DCST1: variants seen among roughly 807,000 people sequenced by gnomAD.
The protein encoded by DCST1 is DC-STAMP domain containing 1, also known as E3 ubiquitin-protein ligase DCST1.
A neutral mutation model predicts 89.1 loss-of-function variants in DCST1; 78 were observed. That is an observed-to-expected ratio of 0.88 (90% CI 0.73 to 1.06). The LOEUF is 1.06. DCST1 is among the 50% of genes least tolerant of loss of function. The pLI is 0.00. For missense variants in DCST1, 900 were observed against 928.6 expected, an observed-to-expected ratio of 0.97 and a Z score of 0.40; for synonymous variants, 364 against 371.9, an observed-to-expected ratio of 0.98 and a Z score of 0.24.
chr1:155,043,487 A>G lies in DCST1; in HGVS notation c.1150A>G (p.Thr384Ala). The G allele has an allele frequency of 6.2e-7, 1 of 1,600,656 alleles. No homozygotes were observed. The highest frequency in any genetic ancestry group is 1.1e-5 in the South Asian group (1 of 89,126). Residue 384 changes from threonine (T) to alanine (A), a missense_variant, in exon 10 of 17, where the codon ACT becomes GCT. Physicochemically the swap from Thr to Ala is moderately conservative, Grantham distance 58. Coordinates refer to ENST00000295542, the MANE Select transcript of DCST1 (RefSeq NM_152494.4). ...GCTGCTGCACGTGCTGCTCTCCTGC[A>G]CTTTCCTGCTGGTCCTGCATGCGTG... ...LGLLHVLLSC[T>A]FLLVLHASFS...
chr1:155,046,461 C>T lies in DCST1; in HGVS notation c.1470C>T (p.His490=), dbSNP rs753711358. ...CCATCTTCGACACCATCCGCCACCA[C>T]TCCTTCCTGCAGTACTCCTTCCGCA... ...LYSIFDTIRH[H]SFLQYSFRSS... is the part of the protein sequence containing the mutation. Residue 490 remains histidine, a synonymous_variant, in exon 13 of 17, where the codon CAC becomes CAT. Transcript: ENST00000295542. The T allele has an allele frequency of 3.1e-6, 5 of 1,614,088 alleles. No individual in the cohort carries two copies. In the South Asian group the frequency reaches 3.3e-5, roughly 11 times the overall value.
Position 155,047,992 on chromosome 1 carries a change from G to A in DCST1, c.1755+63G>A, listed in dbSNP as rs973334322. The stretch of plus-strand genomic sequence containing the variant: ...TGCACACACACACACACACCACCCA[G>A]CTCCCTACCAACTCCATATTTGGGG... On this transcript the variant is annotated intron_variant, in intron 15 of 16. Transcript: ENST00000295542. 8 of 1,611,724 alleles carry A rather than the reference G, an allele frequency of 5.0e-6. No homozygotes were observed. In the South Asian group the frequency reaches 8.8e-5, roughly 18 times the overall value.
At chr1:155,042,191 C>T (rs552037431) in intron 8 of DCST1, among the ~76,000 whole-genome samples, 8 of 152,212 alleles carry the variant, frequency 5.3e-5, no homozygotes, top group African/African-American at 1.2e-4. Flanking sequence ...CTCTGCCTCC[C>T]GGGTTCAAGC....
intron 4 of DCST1, among the ~76,000 whole-genome samples, chr1:155,036,932 C>T (rs146378252): frequency 6.6e-6 from 1 of 152,392 alleles, no homozygotes; most frequent in African/African-American, 2.4e-5. Context: ...AGCAGTGCAC[C>T]TTCCTTTTTG....
At chr1:155,043,296 G>C (rs1032911694) in intron 9 of DCST1, 56 bp from the exon 10 acceptor site, 15 of 1,612,094 alleles carry the variant, frequency 9.3e-6, no homozygotes, top group African/African-American at 1.3e-5. Context: ...GAAGAGGTGG[G>C]ACCCAGGTCT....
chr1:155,036,671 A>G (rs372128004), intron 4 of DCST1, among the ~76,000 whole-genome samples: 128 of 152,392 alleles, frequency 8.4e-4, no homozygotes, highest in African/African-American at 2.9e-3. Flanking sequence ...CACTAATGCT[A>G]TTATAATTCC....
chr1:155,045,668 T>C (rs1660594582), intron 10 of DCST1: 3 of 562,476 alleles, frequency 5.3e-6, no homozygotes, highest in Non-Finnish European at 9.6e-6. Flanking sequence ...ACTTCTGCTA[T>C]GTCTCACCCA....
At chr1:155,046,293 A>G in intron 12 of DCST1, 67 bp from the exon 13 acceptor site, 10 of 1,614,018 alleles carry the variant, frequency 6.2e-6, no homozygotes, top group Non-Finnish European at 8.5e-6. Context: ...GGTAAAAGGC[A>G]CCAGAGAGTG....
chr1:155,043,439 G>A lies in DCST1; in HGVS notation c.1102G>A (p.Ala368Thr), dbSNP rs752053079. The A allele has an allele frequency of 6.2e-7, 1 of 1,613,364 alleles. No homozygotes were observed. The highest frequency in any genetic ancestry group is 2.2e-5 in the East Asian group (1 of 44,878). ...EVRDYVYRQE[A>T]RLEWALGLLH... ...GCGGGACTACGTGTACCGCCAGGAG[G>A]CCCGGCTGGAGTGGGCCCTGGGGCT... The change falls in exon 10 of 17, where the codon GCC (alanine) becomes ACC (threonine). Residue 368 changes from alanine to threonine, a missense_variant. Physicochemically the swap from Ala to Thr is moderately conservative, Grantham distance 58. Transcript: ENST00000295542.
At position 155,042,871 on chromosome 1, in the gene DCST1, C is replaced by T. The variant is rs375109150; in HGVS notation, c.1014+15C>T. 3.2e-4 allele frequency: 514 copies of T among 1,611,782 alleles called. No homozygotes were observed. Among genetic ancestry groups the T allele is most frequent in the Non-Finnish European group, 3.0e-4 (359 of 1,179,398 alleles). ...TTGACTTCAAGGTAGAAGGCAAGGG[C>T]GAGGGTTGGTGGGGGGTAGATAGGG... is the stretch of plus-strand genomic sequence containing the variant. On this transcript the variant is annotated intron_variant, in intron 9 of 16. Coordinates refer to ENST00000295542, the MANE Select transcript of DCST1 (RefSeq NM_152494.4).
At position 155,050,655 on chromosome 1, in the gene DCST1, G is replaced by C. The variant is rs990008735; in HGVS notation, c.1908G>C (p.Pro636=). 2 of 1,597,682 alleles carry C rather than the reference G, an allele frequency of 1.3e-6. No homozygotes were observed. The highest frequency in any genetic ancestry group is 1.1e-5 in the South Asian group (1 of 89,978). The change falls in exon 17 of 17, where the codon CCG becomes CCC. Residue 636 remains proline, a synonymous_variant. Transcript: ENST00000295542. The part of the protein sequence containing the change: ...PLADILHRGC[P]LLRRWLCRRC... Reference sequence around the variant, plus strand: ...CGGATATCCTGCACCGCGGCTGCCCGCTCCTGCGCCGCTGGCTGTGCCGGC... The same window carrying C: ...CGGATATCCTGCACCGCGGCTGCCCCCTCCTGCGCCGCTGGCTGTGCCGGC...
Position 155,041,416 on chromosome 1 carries a change from G to C in DCST1, c.551G>C (p.Arg184Thr), listed in dbSNP as rs1434066998. The C allele has an allele frequency of 1.9e-6, 3 of 1,613,672 alleles. No homozygotes were observed. Among genetic ancestry groups the C allele is most frequent in the Non-Finnish European group, 2.5e-6 (3 of 1,180,030 alleles). Residue 184 changes from arginine to threonine, a missense_variant, in exon 7 of 17, where the codon AGA (arginine) becomes ACA (threonine). By Grantham distance (71) the Arg-to-Thr change is moderately conservative (BLOSUM62 -1). Coordinates refer to ENST00000295542, the MANE Select transcript of DCST1 (RefSeq NM_152494.4). ...TCCCAGAGTAGCAAAGAATTGCTGA[G>C]AGCAGAGACTCGGAACATCTCCGCC... is the stretch of plus-strand genomic sequence containing the variant. ...KDLLSSKELL[R>T]AETRNISATF... is the part of the protein sequence containing the mutation.
chr1:155,041,764 C>A lies in DCST1; in HGVS notation c.799C>A (p.His267Asn). 2.5e-6 allele frequency: 4 copies of A among 1,614,244 alleles called. No individual in the cohort carries two copies. The highest frequency in any genetic ancestry group is 3.4e-6 in the Non-Finnish European group (4 of 1,180,040). ...CTGCCGTCGTTGGTTTGACCGCAAGCATGAACAGTGCATGAAGCACATCTG... is the reference window on the plus strand; with the variant it reads ...CTGCCGTCGTTGGTTTGACCGCAAGAATGAACAGTGCATGAAGCACATCTG... ...LSCRRWFDRK[H>N]EQCMKHIWVP... The change falls in exon 8 of 17, where the codon CAT becomes AAT. Residue 267 changes from histidine to asparagine, a missense_variant. His to Asn is a moderately conservative substitution (Grantham distance 68). Transcript: ENST00000295542.
chr1:155,037,008 C>T (rs143098456), intron 4 of DCST1, among the ~76,000 whole-genome samples: 50 of 152,074 alleles, frequency 3.3e-4, no homozygotes, highest in African/African-American at 1.2e-3. Context: ...GCTATCCTCC[C>T]GCCTCTGCCT....
chr1:155,035,045 A>G (rs560789988), intron 4 of DCST1: 2 of 333,848 alleles, frequency 6.0e-6, no homozygotes, highest in South Asian at 9.7e-5. Context: ...TCCTCCTAAG[A>G]AATTAAATTC....
At chr1:155,036,464 C>T (rs1405310645) in intron 4 of DCST1, among the ~76,000 whole-genome samples, 1 of 152,224 alleles carries the variant, frequency 6.6e-6, no homozygotes, top group Non-Finnish European at 1.5e-5. Context: ...CATTCTCAAG[C>T]ATCTTCCCTC....
chr1:155,048,272 C>A, intron 16 of DCST1, 102 bp downstream of exon 16: 3 of 887,982 alleles, frequency 3.4e-6, no homozygotes, highest in Non-Finnish European at 3.6e-6. Context: ...CCAATGGTCG[C>A]AGGCCTACTC....
intron 13 of DCST1, 24 bp from the exon 14 acceptor site, chr1:155,047,172 C>T: frequency 1.3e-6 from 2 of 1,597,200 alleles, no homozygotes; most frequent in Non-Finnish European, 1.7e-6. Context: ...GCCCTGACTT[C>T]CCTACCTGTC....
In DCST1 at chr1:155,039,426, A is replaced by G. The variant is rs1571560513; in HGVS notation, c.286A>G (p.Thr96Ala). The change falls in exon 5 of 17, where the codon ACC (threonine) becomes GCC (alanine). Residue 96 changes from threonine (T) to alanine (A), a missense_variant. By Grantham distance (58) the Thr-to-Ala change is moderately conservative. Transcript: ENST00000295542. ...LVGLGAMGWG[T>A]SPHIRCASLL... ...AGGCTTGGGGGCCATGGGCTGGGGG[A>G]CCTCCCCTCACATCCGCTGTGCCAG... The G allele has an allele frequency of 6.3e-7, 1 of 1,590,624 alleles. No homozygotes were observed. The highest frequency in any genetic ancestry group is 8.6e-7 in the Non-Finnish European group (1 of 1,168,070).
Sources: gnomAD v4.1 joint callset for allele counts (sites outside exome capture counted in the v4.1 genomes callset) on GRCh38, gnomAD v4.1.1 for gene constraint, MANE v1.5 for transcripts, NCBI Gene and HGNC (gene_info 2026-07-23, HGNC 2026-07-21) for gene names.